Variants in MACROD1 observed in about 807,000 individuals in gnomAD.
MACROD1 encodes the protein ADP-ribose glycohydrolase MACROD1.
In MACROD1, 31 loss-of-function variants were observed where a neutral mutation model predicts 41.4. The ratio of observed to expected loss-of-function variants is 0.75; its 90% CI spans 0.56 to 1.01. The LOEUF is 1.01. Among genes scored for constraint, MACROD1 ranks in the 50% least tolerant of loss-of-function variants. The pLI is 0.00. For missense variants in MACROD1, 473 were observed against 460.0 expected (o/e 1.03, Z -0.26); for synonymous variants, 252 against 203.4 (o/e 1.24, Z -2.03).
intron 3 of MACROD1, among the ~76,000 whole-genome samples, chr11:64,095,422 G>C (rs1944559171): frequency 6.6e-6 from 1 of 152,218 alleles, no homozygotes; most frequent in Admixed American, 6.5e-5. Flanking sequence ...ATGTTTATGG[G>C]AAGGAGGGAA....
intron 4 of MACROD1, among the ~76,000 whole-genome samples, chr11:64,002,087 C>T (rs1942834875): frequency 6.6e-6 from 1 of 152,176 alleles, no homozygotes; most frequent in Admixed American, 6.5e-5. Flanking sequence ...AACAGTGTGA[C>T]AGTGTGGGCA....
chr11:63,999,389 G>T lies in MACROD1; in HGVS notation c.833C>A (p.Ala278Glu). 2.5e-6 allele frequency: 4 copies of T among 1,591,340 alleles called. No individual in the cohort carries two copies. Among genetic ancestry groups the T allele is most frequent in the Non-Finnish European group, 3.4e-6 (4 of 1,173,042 alleles). ...CGTGGCCAGCACGATCTCGGCGGCCGCCTCACAGGGGTAGCCTGAGGCGGG... is the reference window on the plus strand; with the variant it reads ...CGTGGCCAGCACGATCTCGGCGGCCTCCTCACAGGGGTAGCCTGAGGCGGG... ...STGVFGYPCE[A>E]AAEIVLATLR... Residue 278 changes from alanine (A) to glutamate (E), a missense_variant, in exon 8 of 11, where the codon GCG (alanine) becomes GAG (glutamate). Ala to Glu is a moderately radical substitution (Grantham distance 107, BLOSUM62 -1). Coordinates refer to ENST00000255681, the MANE Select transcript of MACROD1 (RefSeq NM_014067.4).
chr11:64,160,278 C>T (rs1224143637), intron 1 of MACROD1, among the ~76,000 whole-genome samples: 3 of 152,176 alleles, frequency 2.0e-5, no homozygotes, highest in Non-Finnish European at 4.4e-5. Flanking sequence ...ATGAGGCTTT[C>T]CCATAGGGAG....
intron 3 of MACROD1, among the ~76,000 whole-genome samples, chr11:64,123,556 A>C: frequency 6.7e-6 from 1 of 149,968 alleles, no homozygotes; most frequent in African/African-American, 2.5e-5. Context: ...TTGGGGGTGC[A>C]AGATGGGGGC....
At chr11:64,015,351 A>C in intron 3 of MACROD1, 70 bp from the exon 4 acceptor site, 1 of 1,474,108 alleles carries the variant, frequency 6.8e-7, no homozygotes, top group Non-Finnish European at 9.2e-7. Flanking sequence ...CCTTGAGGGG[A>C]GGGTGATGTC....
chr11:64,164,996 G>A (rs571201691), intron 1 of MACROD1, among the ~76,000 whole-genome samples: 15 of 152,346 alleles, frequency 9.8e-5, no homozygotes, highest in African/African-American at 3.6e-4. Flanking sequence ...AGTTGTCACA[G>A]GGACAAGACC....
chr11:64,014,475 C>A (rs1943054457), intron 4 of MACROD1, among the ~76,000 whole-genome samples: 2 of 152,364 alleles, frequency 1.3e-5, no homozygotes, highest in African/African-American at 4.8e-5. Flanking sequence ...GGCCCTGCCA[C>A]CGCTGCCGTA....
In MACROD1 at chr11:63,999,561, C is replaced by G. The variant is rs779595087; in HGVS notation, c.787-1G>C. The G allele has an allele frequency of 6.2e-7, 1 of 1,610,252 alleles. No homozygotes were observed. Among genetic ancestry groups the G allele is most frequent in the Non-Finnish European group, 8.5e-7 (1 of 1,178,834 alleles). On this transcript the variant is annotated splice_acceptor_variant, in intron 6 of 10. Transcript: ENST00000255681. LOFTEE classifies it high-confidence loss of function. ...CGCCGGTGGAGATGCAGGGGAACGC[C>G]TGGGCGGGGAGGGGTGAGAGGGGGT...
At chr11:64,078,455 A>G (rs1450626466) in intron 3 of MACROD1, among the ~76,000 whole-genome samples, 2 of 152,224 alleles carry the variant, frequency 1.3e-5, no homozygotes, top group African/African-American at 4.8e-5. Flanking sequence ...TTACGCCAGG[A>G]AACAAGAGGA....
chr11:64,010,420 G>C (rs1942989387), intron 4 of MACROD1, among the ~76,000 whole-genome samples: 2 of 142,796 alleles, frequency 1.4e-5, no homozygotes, highest in South Asian at 4.5e-4. Context: ...AGTGTTGGTT[G>C]AGATGTTGGC....
In MACROD1 at chr11:63,999,862, T is replaced by C. The variant is rs1170621407; in HGVS notation, c.665-99A>G. The C allele has an allele frequency of 7.5e-6, 10 of 1,341,126 alleles. No individual in the cohort carries two copies. In the East Asian group the frequency reaches 1.9e-4, roughly 26 times the overall value. 83.1% of individuals were successfully genotyped at this position (1,341,126 alleles called of 1,614,324 possible). ...TGGGCAGAAGGGGGCAGGAAACACC[T>C]TTCCCCCCAAGCGCTGAGCCTCCTC... On this transcript the variant is annotated intron_variant, in intron 5 of 10. Transcript: ENST00000255681.
intron 3 of MACROD1, among the ~76,000 whole-genome samples, chr11:64,024,050 C>G (rs555369669): frequency 1.1e-4 from 17 of 152,282 alleles, no homozygotes; most frequent in Non-Finnish European, 1.8e-4. Context: ...CCCCTCAACA[C>G]CCCCTCTCCA....
In MACROD1 at chr11:64,157,727, A is replaced by G. The variant is rs11828688; in HGVS notation, c.299-5334T>C. Among the ~76,000 whole-genome samples, 469 of 152,280 alleles carry G rather than the reference A, an allele frequency of 3.1e-3. 7 individuals carry two copies. The highest frequency in any genetic ancestry group is 0.011 in the African/African-American group (450 of 41,556). On this transcript the variant is annotated intron_variant, in intron 1 of 10. Transcript: ENST00000255681. Reference sequence around the variant, plus strand: ...ATGCTGTGTTTTAAGAAGTGTCTTTATGGCACTTTGCAAGATGGTGTTCAG... The same window carrying G: ...ATGCTGTGTTTTAAGAAGTGTCTTTGTGGCACTTTGCAAGATGGTGTTCAG...
intron 3 of MACROD1, among the ~76,000 whole-genome samples, chr11:64,102,749 C>T (rs1944692464): frequency 6.6e-6 from 1 of 152,122 alleles, no homozygotes; most frequent in African/African-American, 2.4e-5. Flanking sequence ...CCTTCCCCGG[C>T]TCATAGGCAA....
intron 5 of MACROD1, 73 bp downstream of exon 5, chr11:64,000,154 G>A: frequency 1.6e-6 from 2 of 1,245,640 alleles, no homozygotes; most frequent in Non-Finnish European, 2.3e-6. Context: ...TGTGGGGGCC[G>A]CACCCCTGAT....
At position 64,027,916 on chromosome 11, in the gene MACROD1, T is replaced by G. The variant is rs574121771; in HGVS notation, c.518-12635A>C. ...CTTTGCTTTTTAGAATAGGAAGTGT[T>G]GCACCAAGGCCAAAAACGTTCCCTT... On this transcript the variant is annotated intron_variant, in intron 3 of 10. Transcript: ENST00000255681. 2.4e-4 allele frequency among the ~76,000 whole-genome samples: 37 copies of G among 152,336 alleles called. No homozygotes were observed. The East Asian group carries it at 3.9e-3, about 16-fold the overall frequency.
chr11:64,124,741 T>C (rs1945152370), intron 3 of MACROD1, among the ~76,000 whole-genome samples: 2 of 152,050 alleles, frequency 1.3e-5, no homozygotes, highest in South Asian at 4.2e-4. Flanking sequence ...AGTGCAATGG[T>C]GCAATCTCGG....
At chr11:64,087,901 C>T (rs954901292) in intron 3 of MACROD1, among the ~76,000 whole-genome samples, 12 of 152,182 alleles carry the variant, frequency 7.9e-5, no homozygotes, top group Non-Finnish European at 1.0e-4. Context: ...CTTCTTTCTG[C>T]GACAGGGGAG....
At position 64,117,200 on chromosome 11, in the gene MACROD1, C is replaced by T. The variant is rs757865702; in HGVS notation, c.517+34039G>A. 3.1e-5 allele frequency: 50 copies of T among 1,614,052 alleles called. No homozygotes were observed. In the East Asian group the frequency reaches 4.7e-4, roughly 15 times the overall value. On this transcript the variant is annotated intron_variant, in intron 3 of 10. Coordinates refer to ENST00000255681, the MANE Select transcript of MACROD1 (RefSeq NM_014067.4). ...ACAACAACCTGACCACGCTGCCCCG[C>T]GGCCTGTTCGACGACCTGGGGAACC...
Sources: allele counts gnomAD v4.1 joint callset (sites outside exome capture counted in the v4.1 genomes callset), GRCh38; gene constraint gnomAD v4.1.1; transcripts MANE v1.5; gene names NCBI Gene and HGNC (gene_info 2026-07-23, HGNC 2026-07-21).